The following KCNIP4 variants were observed in gnomAD, a reference collection of about 807,000 sequenced individuals.
KCNIP4 encodes the protein Kv channel-interacting protein 4.
In KCNIP4, 12 loss-of-function variants were observed where a neutral mutation model predicts 34.0. That is an observed-to-expected ratio of 0.35 (90% CI 0.23 to 0.57). The LOEUF (loss-of-function observed/expected upper bound fraction) is 0.57, where lower values mean the gene tolerates loss of function less well. Among genes scored for constraint, KCNIP4 ranks in the 20% least tolerant of loss-of-function variants. The pLI, the probability that KCNIP4 is intolerant of heterozygous loss-of-function variation, is 0.83. For synonymous variants in KCNIP4, 124 were observed against 102.2 expected (o/e 1.21, Z -1.29); for missense variants, 238 against 311.7 (o/e 0.76, Z 1.78).
At chr4:21,251,900 T>C (rs181426491) in intron 1 of KCNIP4, among the ~76,000 whole-genome samples, 1 of 150,876 alleles carries the variant, frequency 6.6e-6, no homozygotes, top group African/African-American at 2.4e-5. Context: ...ATTAGGAGTA[T>C]ACCTAATGCT....
intron 3 of KCNIP4, among the ~76,000 whole-genome samples, chr4:20,814,226 T>C (rs1001347717): frequency 6.6e-6 from 1 of 152,206 alleles, no homozygotes; most frequent in Non-Finnish European, 1.5e-5. Context: ...TCCAGATGAT[T>C]TGTTTGCACA....
intron 1 of KCNIP4, among the ~76,000 whole-genome samples, chr4:21,179,916 T>C (rs925197159): frequency 6.6e-6 from 1 of 152,210 alleles, no homozygotes; most frequent in South Asian, 2.1e-4. Flanking sequence ...TTCCTGATTA[T>C]TTACTTTTCA....
chr4:21,491,188 C>T (rs1379278824), intron 1 of KCNIP4, among the ~76,000 whole-genome samples: 1 of 152,006 alleles, frequency 6.6e-6, no homozygotes, highest in African/African-American at 2.4e-5. Context: ...ATCACAGGTA[C>T]CCTTGCAGCA....
At chr4:20,737,122 C>A (rs1442233697) in intron 5 of KCNIP4, among the ~76,000 whole-genome samples, 1 of 151,970 alleles carries the variant, frequency 6.6e-6, no homozygotes, top group African/African-American at 2.4e-5. Context: ...TTCCCATTGG[C>A]ATGAAGGGTA....
intron 1 of KCNIP4, among the ~76,000 whole-genome samples, chr4:21,705,417 T>C (rs1055860253): frequency 6.6e-6 from 1 of 152,202 alleles, no homozygotes; most frequent in African/African-American, 2.4e-5. Flanking sequence ...AATTCCATGC[T>C]AATCTACAAT....
At chr4:21,606,466 T>A (rs1292053049) in intron 1 of KCNIP4, among the ~76,000 whole-genome samples, 1 of 152,160 alleles carries the variant, frequency 6.6e-6, no homozygotes, top group Non-Finnish European at 1.5e-5. Context: ...ACCTTTTAGC[T>A]CTAGAGGTCA....
intron 1 of KCNIP4, among the ~76,000 whole-genome samples, chr4:21,746,753 G>A (rs1716808847): frequency 6.6e-6 from 1 of 151,976 alleles, no homozygotes; most frequent in South Asian, 2.1e-4. Flanking sequence ...TTCATAAGCT[G>A]TTATGCAGAC....
At chr4:20,787,394 C>T (rs1344523055) in intron 3 of KCNIP4, among the ~76,000 whole-genome samples, 1 of 152,098 alleles carries the variant, frequency 6.6e-6, no homozygotes, top group Non-Finnish European at 1.5e-5. Flanking sequence ...GTATTAAATA[C>T]TGTATTATAT....
At chr4:20,808,289 G>A (rs557292100) in intron 3 of KCNIP4, among the ~76,000 whole-genome samples, 12 of 152,220 alleles carry the variant, frequency 7.9e-5, no homozygotes, top group Admixed American at 7.9e-4. Context: ...CAACATTTAA[G>A]GATGCCATGA....
chr4:20,867,897 G>A (rs1723028719), intron 2 of KCNIP4, among the ~76,000 whole-genome samples: 1 of 151,958 alleles, frequency 6.6e-6, no homozygotes, highest in African/African-American at 2.4e-5. Flanking sequence ...GAGGGAGTGG[G>A]GAGGGATAGC....
chr4:21,062,858 G>A (rs928000651), intron 1 of KCNIP4, among the ~76,000 whole-genome samples: 1 of 152,108 alleles, frequency 6.6e-6, no homozygotes, highest in Non-Finnish European at 1.5e-5. Flanking sequence ...GAGGAGGCCT[G>A]CCCACATTAG....
intron 1 of KCNIP4, among the ~76,000 whole-genome samples, chr4:21,462,242 A>G (rs1472737938): frequency 6.6e-6 from 1 of 152,132 alleles, no homozygotes; most frequent in African/African-American, 2.4e-5. Context: ...ATAAAGATAT[A>G]CCCAAGACTG....
chr4:21,297,308 T>G (rs1202734222), intron 1 of KCNIP4, among the ~76,000 whole-genome samples: 1 of 152,062 alleles, frequency 6.6e-6, no homozygotes, highest in African/African-American at 2.4e-5. Flanking sequence ...ACTAAACGTA[T>G]TCAGACAAGT....
chr4:21,821,318 G>A (rs1722340374), intron 1 of KCNIP4, among the ~76,000 whole-genome samples: 1 of 152,014 alleles, frequency 6.6e-6, no homozygotes, highest in South Asian at 2.1e-4. Flanking sequence ...GCATCCTCCT[G>A]TAGGTGCCAT....
chr4:21,639,303 C>G (rs1189020474), intron 1 of KCNIP4, among the ~76,000 whole-genome samples: 1 of 151,894 alleles, frequency 6.6e-6, no homozygotes, highest in African/African-American at 2.4e-5. Flanking sequence ...AAGAAAAATA[C>G]CAGCTAAACT....
At chr4:21,511,972 A>C (rs1478478632) in intron 1 of KCNIP4, among the ~76,000 whole-genome samples, 1 of 151,884 alleles carries the variant, frequency 6.6e-6, no homozygotes, top group Non-Finnish European at 1.5e-5. Flanking sequence ...ATAGAGTAAA[A>C]GAGAAAGAAA....
chr4:21,309,785 T>C (rs1306846880), intron 1 of KCNIP4, among the ~76,000 whole-genome samples: 1 of 152,130 alleles, frequency 6.6e-6, no homozygotes, highest in Non-Finnish European at 1.5e-5. Context: ...TTAGATGCCA[T>C]TGAAAACACC....
rs536310590 is a variant in KCNIP4 at position 20,758,921 on chromosome 4, C to T, written c.289-31G>A. ...GAAAGTGGCAGAGAAGCAATATGAG[C>T]AAAGTGTTCATAAAACTGAATTTTT... On this transcript the variant is annotated intron_variant, in intron 3 of 8. Coordinates refer to ENST00000382152, the MANE Select transcript of KCNIP4 (RefSeq NM_025221.6). 6.3e-6 allele frequency: 10 copies of T among 1,583,170 alleles called. No individual in the cohort carries two copies. The East Asian group carries it at 9.0e-5, about 14-fold the overall frequency.
At chr4:21,424,595 G>C (rs542678392) in intron 1 of KCNIP4, among the ~76,000 whole-genome samples, 1 of 146,832 alleles carries the variant, frequency 6.8e-6, no homozygotes, top group East Asian at 2.0e-4. Context: ...AAGAAAGAAA[G>C]AAAGAGAGAA....
Sources: gnomAD v4.1 joint callset for allele counts (sites outside exome capture counted in the v4.1 genomes callset) on GRCh38, gnomAD v4.1.1 for gene constraint, MANE v1.5 for transcripts, NCBI Gene and HGNC (gene_info 2026-07-23, HGNC 2026-07-21) for gene names.